The following SCNM1 variants were observed in gnomAD, a reference collection of about 807,000 sequenced individuals.
SCNM1 encodes the protein sodium channel modifier 1.
In SCNM1, 24 loss-of-function variants were observed where a neutral mutation model predicts 32.8. The observed-to-expected ratio is 0.73, with a 90% confidence interval of 0.53 to 1.03. SCNM1 has a LOEUF of 1.03. Among genes scored for constraint, SCNM1 ranks in the 50% least tolerant of loss-of-function variants. SCNM1 has a pLI of 0.00. For synonymous variants in SCNM1, 99 were observed against 103.2 expected, an observed-to-expected ratio of 0.96 and a Z score of 0.25; for missense variants, 274 against 282.3, an observed-to-expected ratio of 0.97 and a Z score of 0.21.
intron 1 of SCNM1, 119 bp from the exon 2 acceptor site, chr1:151,166,352 T>C (rs1364182281): frequency 2.1e-5 from 32 of 1,543,128 alleles, no homozygotes; most frequent in Non-Finnish European, 2.6e-5. Flanking sequence ...TTTCGGTCTA[T>C]GATCGCTGTT....
intron 2 of SCNM1, 35 bp downstream of exon 2, chr1:151,166,576 T>G (rs2101700302): frequency 6.2e-7 from 1 of 1,600,502 alleles, no homozygotes; most frequent in East Asian, 2.2e-5. Context: ...CTGAGGGTTC[T>G]GCGGTTAGAG....
At chr1:151,168,608 A>G (rs983859889) in intron 6 of SCNM1, among the ~76,000 whole-genome samples, 2 of 151,708 alleles carry the variant, frequency 1.3e-5, no homozygotes, top group Non-Finnish European at 2.9e-5. Context: ...GGGTTTCTCC[A>G]TGTTGGTCAG....
chr1:151,169,227 G>T lies in SCNM1; in HGVS notation c.*142G>T. ...CTACTCCTTGCCTGCAAGGTACACA[G>T]CTCTCCACACTCCTTTTTTTTTTTT... On this transcript the variant is annotated 3_prime_UTR_variant, in exon 7 of 7. Transcript: ENST00000368905. The T allele has an allele frequency of 1.7e-6, 1 of 592,322 alleles. No individual in the cohort carries two copies. The highest frequency in any genetic ancestry group is 2.8e-6 in the Non-Finnish European group (1 of 360,454). The allele number at this position is 592,322 out of a possible 1,614,324, so 36.7% of individuals were successfully genotyped here. A position where few individuals can be genotyped will look rare whatever the true frequency, so the allele number is the denominator to read the frequency against.
chr1:151,166,632 C>T, intron 2 of SCNM1, 91 bp downstream of exon 2: 1 of 1,526,866 alleles, frequency 6.5e-7, no homozygotes, highest in Non-Finnish European at 8.8e-7. Context: ...GGAGGTCTCG[C>T]GGTGCTGCCC....
In SCNM1 at chr1:151,168,133, TCTC is replaced by T; in HGVS notation, c.399-10_399-8del. ...CCTTACTGCTTTTACAGACTATTCT[TCTC>T]TACCTAGACCAGAAGCCCCTGGTCC... On this transcript the variant is annotated splice_region_variant and splice_polypyrimidine_tract_variant and intron_variant, in intron 5 of 6. Transcript: ENST00000368905. The T allele has an allele frequency of 6.2e-7, 1 of 1,601,846 alleles. No homozygotes were observed. Among genetic ancestry groups the T allele is most frequent in the Non-Finnish European group, 8.5e-7 (1 of 1,174,076 alleles).
At chr1:151,168,479 G>A (rs1192751628) in intron 6 of SCNM1, 141 bp downstream of exon 6, 5 of 1,263,746 alleles carry the variant, frequency 4.0e-6, no homozygotes, top group Non-Finnish European at 5.3e-6. Flanking sequence ...CACGCTCTCG[G>A]CTCACTGTAA....
Position 151,170,101 on chromosome 1 carries a change from G to T in SCNM1, c.*1016G>T. On this transcript the variant is annotated 3_prime_UTR_variant, in exon 7 of 7. Transcript: ENST00000368905. ...CAGTGTTATCTCTTCTTTTGCTGGC[G>T]ACCTGTAAAGGAGCAATATTAAACA... The T allele has an allele frequency of 6.2e-7, 1 of 1,614,120 alleles. No individual in the cohort carries two copies. Among genetic ancestry groups the T allele is most frequent in the South Asian group, 1.1e-5 (1 of 91,054 alleles).
At chr1:151,167,295 G>C in intron 4 of SCNM1, 31 bp from the exon 5 acceptor site, 1 of 1,613,994 alleles carries the variant, frequency 6.2e-7, no homozygotes, top group Non-Finnish European at 8.5e-7. Flanking sequence ...AGGGCTGAAG[G>C]CTCTGACTCT....
intron 5 of SCNM1, 89 bp from the exon 6 acceptor site, chr1:151,168,055 T>C: frequency 7.4e-7 from 1 of 1,350,236 alleles, no homozygotes; most frequent in Non-Finnish European, 1.0e-6. Context: ...AGAAATATAG[T>C]TTAAGAAGCA....
Position 151,169,763 on chromosome 1 carries a change from CAG to C in SCNM1, c.*679_*680del, listed in dbSNP as rs1683886003. The C allele has an allele frequency of 2.6e-6, 1 of 382,146 alleles. No individual in the cohort carries two copies. The highest frequency in any genetic ancestry group is 2.1e-5 in the African/African-American group (1 of 48,716). 23.7% of individuals were successfully genotyped at this position (382,146 alleles called of 1,614,324 possible). The stretch of plus-strand genomic sequence containing the variant: ...AGGGGGACCTGGCCACATCTGGAAA[CAG>C]GGCTGTGGCTAAGTTCCCTGTGAAA... On this transcript the variant is annotated 3_prime_UTR_variant, in exon 7 of 7. Transcript: ENST00000368905.
In SCNM1 at chr1:151,166,555, G is replaced by A; in HGVS notation, c.122+14G>A. ...TCGGGATGGACGGTAAGAGCAAGGA[G>A]TGGCTCAAGCCTGAGGGTTCTGCGG... On this transcript the variant is annotated intron_variant, in intron 2 of 6. Coordinates refer to ENST00000368905, the MANE Select transcript of SCNM1 (RefSeq NM_024041.4). The A allele has an allele frequency of 1.2e-6, 2 of 1,613,612 alleles. No homozygotes were observed. Among genetic ancestry groups the A allele is most frequent in the Non-Finnish European group, 1.7e-6 (2 of 1,179,870 alleles).
Position 151,169,109 on chromosome 1 carries a change from A to G in SCNM1, c.*24A>G, listed in dbSNP as rs748475025. The G allele has an allele frequency of 2.0e-5, 33 of 1,613,084 alleles. No individual in the cohort carries two copies. Among genetic ancestry groups the G allele is most frequent in the Admixed American group, 1.0e-4 (6 of 59,974 alleles). On this transcript the variant is annotated 3_prime_UTR_variant, in exon 7 of 7. Transcript: ENST00000368905. ...GATACCCTTTTCCCATTCATTCACA[A>G]ATAAATTACAATGGGTGCTGAGAAC...
intron 6 of SCNM1, among the ~76,000 whole-genome samples, chr1:151,168,654 T>C (rs1683827871): frequency 6.6e-6 from 1 of 152,104 alleles, no homozygotes. Context: ...GTGATCCACC[T>C]GCCTCAGTTT....
chr1:151,169,197 T>A lies in SCNM1; in HGVS notation c.*112T>A. 8.3e-7 allele frequency: 1 copy of A among 1,203,474 alleles called. No individual in the cohort carries two copies. Among genetic ancestry groups the A allele is most frequent in the Non-Finnish European group, 1.2e-6 (1 of 846,808 alleles). The allele number at this position is 1,203,474 out of a possible 1,614,324, so 74.5% of individuals were successfully genotyped here. On this transcript the variant is annotated 3_prime_UTR_variant, in exon 7 of 7. Transcript: ENST00000368905. ...GGATTTCAGATCTGTTCATTCTCATTCCAACTACTCCTTGCCTGCAAGGTA... is the reference window on the plus strand; with the variant it reads ...GGATTTCAGATCTGTTCATTCTCATACCAACTACTCCTTGCCTGCAAGGTA...
rs780090251 is a variant in SCNM1, at chr1:151,170,068, G to T, written c.*983G>T. 2 of 1,614,098 alleles carry T rather than the reference G, an allele frequency of 1.2e-6. No individual in the cohort carries two copies. Among genetic ancestry groups the T allele is most frequent in the East Asian group, 4.5e-5 (2 of 44,882 alleles). On this transcript the variant is annotated 3_prime_UTR_variant, in exon 7 of 7. Transcript: ENST00000368905. Reference sequence around the variant, plus strand: ...AGTGCTCCCAGCGCTAGTTGGTAAAGGGAAATGCAGTGTTATCTCTTCTTT... The same window carrying T: ...AGTGCTCCCAGCGCTAGTTGGTAAATGGAAATGCAGTGTTATCTCTTCTTT...
Position 151,169,239 on chromosome 1 carries a change from CCTTTT to C in SCNM1, c.*155_*159del. 2 of 542,650 alleles carry C rather than the reference CCTTTT, an allele frequency of 3.7e-6. No individual in the cohort carries two copies. The highest frequency in any genetic ancestry group is 3.5e-5 in the East Asian group (1 of 28,354). The allele number at this position is 542,650 out of a possible 1,614,324, so 33.6% of individuals were successfully genotyped here. On this transcript the variant is annotated 3_prime_UTR_variant, in exon 7 of 7. Coordinates refer to ENST00000368905, the MANE Select transcript of SCNM1 (RefSeq NM_024041.4). ...TGCAAGGTACACAGCTCTCCACACT[CCTTTT>C]TTTTTTTTTTTTTTTTTTGAGGCAG...
Position 151,169,239 on chromosome 1 carries a change from C to CT in SCNM1, c.*154_*155insT. 2 of 542,622 alleles carry CT rather than the reference C, an allele frequency of 3.7e-6. No individual in the cohort carries two copies. The highest frequency in any genetic ancestry group is 3.2e-5 in the South Asian group (1 of 31,000). The allele number at this position is 542,622 out of a possible 1,614,324, so 33.6% of individuals were successfully genotyped here. On this transcript the variant is annotated 3_prime_UTR_variant, in exon 7 of 7. Coordinates refer to ENST00000368905, the MANE Select transcript of SCNM1 (RefSeq NM_024041.4). ...TGCAAGGTACACAGCTCTCCACACTCCTTTTTTTTTTTTTTTTTTTTTTGA... is the reference window on the plus strand; with the variant it reads ...TGCAAGGTACACAGCTCTCCACACTCTCTTTTTTTTTTTTTTTTTTTTTTGA...
At position 151,169,107 on chromosome 1, in the gene SCNM1, CAAAT is replaced by C. The variant is rs1397730242; in HGVS notation, c.*27_*30del. On this transcript the variant is annotated 3_prime_UTR_variant, in exon 7 of 7. Coordinates refer to ENST00000368905, the MANE Select transcript of SCNM1 (RefSeq NM_024041.4). ...CTGATACCCTTTTCCCATTCATTCA[CAAAT>C]AAATTACAATGGGTGCTGAGAACTT... The C allele has an allele frequency of 6.2e-7, 1 of 1,613,468 alleles. No individual in the cohort carries two copies. Among genetic ancestry groups the C allele is most frequent in the African/African-American group, 1.3e-5 (1 of 74,902 alleles).
chr1:151,167,787 A>G, intron 5 of SCNM1: 1 of 319,196 alleles, frequency 3.1e-6, no homozygotes, highest in East Asian at 7.3e-5. Flanking sequence ...AGCCACGGTC[A>G]CACCACTTCA....
Sources: gnomAD v4.1 joint callset for allele counts (sites outside exome capture counted in the v4.1 genomes callset) on GRCh38, gnomAD v4.1.1 for gene constraint, MANE v1.5 for transcripts, NCBI Gene and HGNC (gene_info 2026-07-23, HGNC 2026-07-21) for gene names.